The following SLCO3A1 variants were observed in gnomAD, a reference collection of about 807,000 sequenced individuals.
SLCO3A1 encodes the protein solute carrier organic anion transporter family member 3A1, also known as PGE1 transporter.
In SLCO3A1, 27 loss-of-function variants were observed where a neutral mutation model predicts 63.1. The observed-to-expected ratio is 0.43, with a 90% confidence interval of 0.32 to 0.59. The LOEUF (loss-of-function observed/expected upper bound fraction) is 0.59, where lower values mean the gene tolerates loss of function less well. Among genes scored for constraint, SLCO3A1 ranks in the 20% least tolerant of loss-of-function variants. The probability of loss-of-function intolerance (pLI) is 0.09; values close to 1 mark genes in which losing one functional copy is unlikely to be tolerated. For missense variants in SLCO3A1, 773 were observed against 945.8 expected (o/e 0.82, Z 2.40); for synonymous variants, 473 against 409.9 (o/e 1.15, Z -1.86).
intron 5 of SLCO3A1, among the ~76,000 whole-genome samples, chr15:92,125,331 A>G (rs2047908173): frequency 6.6e-6 from 1 of 152,158 alleles, no homozygotes; most frequent in Non-Finnish European, 1.5e-5. Context: ...AGGAGCTTGG[A>G]ACCCTGGGAT....
At chr15:92,068,625 G>A (rs2151512860) in intron 2 of SLCO3A1, among the ~76,000 whole-genome samples, 1 of 152,256 alleles carries the variant, frequency 6.6e-6, no homozygotes, top group East Asian at 1.9e-4. Flanking sequence ...CAGTCACTTT[G>A]ATCAAGACAG....
chr15:92,162,672 C>A lies in SLCO3A1; in HGVS notation c.1754-84C>A, dbSNP rs760794752. 4 of 1,520,878 alleles carry A rather than the reference C, an allele frequency of 2.6e-6. No homozygotes were observed. The Admixed American group carries it at 6.6e-5, about 25-fold the overall frequency. 94.2% of individuals were successfully genotyped at this position (1,520,878 alleles called of 1,614,324 possible). On this transcript the variant is annotated intron_variant, in intron 9 of 9. Coordinates refer to ENST00000318445, the MANE Select transcript of SLCO3A1 (RefSeq NM_013272.4). ...AGTCAGACATATTTGCCTAGCAGTG[C>A]TATAAGAAAAGCTAGGCAGAGACAG... is the stretch of plus-strand genomic sequence containing the variant.
chr15:91,991,213 A>G (rs1383956523), intron 2 of SLCO3A1, among the ~76,000 whole-genome samples: 3 of 152,142 alleles, frequency 2.0e-5, no homozygotes, highest in African/African-American at 7.2e-5. Flanking sequence ...CTACAAAAAA[A>G]TCAAAAAATT....
At chr15:91,973,909 G>A (rs965105259) in intron 2 of SLCO3A1, among the ~76,000 whole-genome samples, 6 of 152,114 alleles carry the variant, frequency 3.9e-5, no homozygotes, top group Non-Finnish European at 2.9e-5. Flanking sequence ...CTTCTATAAA[G>A]GTATTTCCTT....
chr15:92,080,518 G>A (rs755512228), intron 2 of SLCO3A1, among the ~76,000 whole-genome samples: 8 of 152,092 alleles, frequency 5.3e-5, no homozygotes, highest in Non-Finnish European at 8.8e-5. Flanking sequence ...TGGAGGAGGT[G>A]GTATTTAAGG....
At chr15:91,990,578 T>C (rs72755624) in intron 2 of SLCO3A1, among the ~76,000 whole-genome samples, 29,785 of 151,636 alleles carry the variant, frequency 0.2, 3,308 homozygotes, top group East Asian at 0.34. Flanking sequence ...ACCTCCAACT[T>C]CTTCCAGTAT....
intron 2 of SLCO3A1, among the ~76,000 whole-genome samples, chr15:91,995,768 A>G (rs2046184254): frequency 6.7e-6 from 1 of 149,062 alleles, no homozygotes; most frequent in African/African-American, 2.5e-5. Context: ...ACATGTCTGT[A>G]TACACAAGAT....
At chr15:91,982,135 C>CGT (rs1010627376) in intron 2 of SLCO3A1, among the ~76,000 whole-genome samples, 1 of 152,254 alleles carries the variant, frequency 6.6e-6, no homozygotes, top group Non-Finnish European at 1.5e-5. Flanking sequence ...TTGCCAATGC[C>CGT]GTGGCTCTTG....
chr15:92,034,565 A>G (rs544023550), intron 2 of SLCO3A1, among the ~76,000 whole-genome samples: 3 of 151,804 alleles, frequency 2.0e-5, no homozygotes, highest in Admixed American at 1.3e-4. Context: ...CAGAAGAGGA[A>G]GACCTGGCCC....
At chr15:91,963,636 G>C (rs185078017) in intron 2 of SLCO3A1, among the ~76,000 whole-genome samples, 1 of 152,012 alleles carries the variant, frequency 6.6e-6, no homozygotes, top group Admixed American at 6.6e-5. Context: ...GGACCTTCGC[G>C]GTGAGTGTTA....
intron 2 of SLCO3A1, among the ~76,000 whole-genome samples, chr15:92,029,151 G>A (rs1265532949): frequency 6.6e-6 from 1 of 152,164 alleles, no homozygotes; most frequent in Admixed American, 6.5e-5. Flanking sequence ...ATTACTGGAT[G>A]GCTTTCTTGG....
rs551453553 is a variant in SLCO3A1 at position 91,859,162 on chromosome 15, G to A, written c.180+5074G>A. On this transcript the variant is annotated intron_variant, in intron 1 of 9. Transcript: ENST00000318445. This position sits in a 1 kb window ranked among gnomAD's most constrained non-coding sequence, Gnocchi z 5.1. ...TGTATGCCATACTTTTTGAAGGTGC[G>A]AAGGGACATTTCAATGGTAACTTTG... 1.7e-3 allele frequency among the ~76,000 whole-genome samples: 266 copies of A among 152,288 alleles called. No homozygotes were observed. Among genetic ancestry groups the A allele is most frequent in the Non-Finnish European group, 2.4e-3 (164 of 68,038 alleles).
chr15:92,061,246 G>T (rs1308073935), intron 2 of SLCO3A1, among the ~76,000 whole-genome samples: 1 of 152,188 alleles, frequency 6.6e-6, no homozygotes, highest in East Asian at 1.9e-4. Flanking sequence ...GTCTAGGGGT[G>T]TTTAGAGGCT....
At chr15:92,051,662 C>T (rs1448106200) in intron 2 of SLCO3A1, among the ~76,000 whole-genome samples, 3 of 152,096 alleles carry the variant, frequency 2.0e-5, no homozygotes, top group Non-Finnish European at 2.9e-5. Context: ...CTGATCCCAT[C>T]GTGAAATGAA....
rs954923606 is a variant in SLCO3A1, at chr15:91,947,670, C to T, written c.646+31212C>T. ...TTTATTAAAAATGTGAGTTAGTTCC[C>T]GACATTCACTCTGGATCTAGGCTTC... On this transcript the variant is annotated intron_variant, in intron 2 of 9. Transcript: ENST00000318445. Among the ~76,000 whole-genome samples the T allele has an allele frequency of 3.9e-5, 6 of 152,286 alleles. No homozygotes were observed. In the East Asian group the frequency reaches 7.7e-4, roughly 20 times the overall value.
Position 92,165,634 on chromosome 15 carries a change from G to A in SLCO3A1, c.*2499G>A, listed in dbSNP as rs189384695. Reference sequence around the variant, plus strand: ...AGGGCTGAGTTTTATCAGCAATTGGGTATAAATTTAAAGACCGCTGTTGCA... The same window carrying A: ...AGGGCTGAGTTTTATCAGCAATTGGATATAAATTTAAAGACCGCTGTTGCA... On this transcript the variant is annotated 3_prime_UTR_variant, in exon 10 of 10. Transcript: ENST00000318445. 12 of 985,368 alleles carry A rather than the reference G, an allele frequency of 1.2e-5. No individual in the cohort carries two copies. The African/African-American group carries it at 1.9e-4, about 16-fold the overall frequency. 61.0% of individuals were successfully genotyped at this position (985,368 alleles called of 1,614,324 possible).
intron 2 of SLCO3A1, among the ~76,000 whole-genome samples, chr15:91,996,202 T>C (rs72755632): frequency 0.037 from 5,591 of 152,120 alleles, 157 homozygotes; most frequent in Non-Finnish European, 0.05. Context: ...TAAGCAAAAA[T>C]AAGTGGCAAA....
rs573165522 is a variant in SLCO3A1 at position 91,986,316 on chromosome 15, T to C, written c.646+69858T>C. On this transcript the variant is annotated intron_variant, in intron 2 of 9. Transcript: ENST00000318445. Reference sequence around the variant, plus strand: ...AAAGGTGGGTGTTCACCCCATGGGATTCCGGGGAGATAAGATTAGGGAGAT... The same window carrying C: ...AAAGGTGGGTGTTCACCCCATGGGACTCCGGGGAGATAAGATTAGGGAGAT... 2.2e-4 allele frequency among the ~76,000 whole-genome samples: 33 copies of C among 152,240 alleles called. No individual in the cohort carries two copies. In the South Asian group the frequency reaches 6.8e-3, roughly 32 times the overall value.
chr15:92,125,422 TG>T (rs1413826090), intron 5 of SLCO3A1, among the ~76,000 whole-genome samples: 1 of 152,158 alleles, frequency 6.6e-6, no homozygotes, highest in Non-Finnish European at 1.5e-5. Flanking sequence ...TAGATAGCCC[TG>T]GGTAGAAGAG....
Sources: allele counts gnomAD v4.1 joint callset (sites outside exome capture counted in the v4.1 genomes callset), GRCh38; gene constraint gnomAD v4.1.1; non-coding constraint Gnocchi (gnomAD v3.1); transcripts MANE v1.5; gene names NCBI Gene and HGNC (gene_info 2026-07-23, HGNC 2026-07-21).